Variants in DMD observed in about 807,000 individuals in gnomAD.
DMD encodes the protein mutant dystrophin.
A neutral mutation model predicts 330.1 loss-of-function variants in DMD; 63 were observed. The observed-to-expected ratio is 0.19, with a 90% confidence interval of 0.16 to 0.24. The LOEUF is 0.24. Ranked by LOEUF, DMD falls within the 10% of genes least tolerant of loss-of-function variation. The pLI is 1.00. For missense variants in DMD, 3,344 were observed against 2,684.1 expected (o/e 1.25, Z -5.43); for synonymous variants, 1,223 against 959.8 (o/e 1.27, Z -5.07).
At position 32,635,920 on chromosome X, in the gene DMD, T is replaced by G. The variant is rs920992192; in HGVS notation, c.1331+8212A>C. On this transcript the variant is annotated intron_variant, in intron 11 of 78. Coordinates refer to ENST00000357033, the MANE Select transcript of DMD (RefSeq NM_004006.3). ...ATGCTAACTTTCTGAATGGGTACCC[T>G]CAGCATCTGTGAAGCTGTAGAAACC... 2.7e-5 allele frequency among the ~76,000 whole-genome samples: 3 copies of G among 111,677 alleles called. No individual in the cohort carries two copies. In the East Asian group the frequency reaches 8.4e-4, roughly 31 times the overall value.
At chrX:31,977,365 T>A (rs764840532) in intron 44 of DMD, among the ~76,000 whole-genome samples, 2 of 111,824 alleles carry the variant, frequency 1.8e-5, no homozygotes, top group African/African-American at 6.5e-5. Context: ...AAGTTTCATC[T>A]CCTACCACAA....
At chrX:32,412,136 T>A in intron 29 of DMD, 1 of 1,148,962 alleles carries the variant, frequency 8.7e-7, no homozygotes, top group Non-Finnish European at 1.2e-6. Context: ...GATCTCTGCA[T>A]GAAAATCAAT....
chrX:32,520,398 C>T (rs1259529097), intron 17 of DMD, among the ~76,000 whole-genome samples: 3 of 112,011 alleles, frequency 2.7e-5, no homozygotes, highest in Non-Finnish European at 5.6e-5. Flanking sequence ...TGTCTTAAAA[C>T]ATTTTTATTT....
intron 44 of DMD, among the ~76,000 whole-genome samples, chrX:32,182,365 T>C (rs1395769815): frequency 1.8e-5 from 2 of 111,964 alleles, no homozygotes; most frequent in Non-Finnish European, 3.8e-5. Context: ...AATACAGAAA[T>C]ACTTTACAGC....
At chrX:32,724,485 G>A (rs768035681) in intron 7 of DMD, among the ~76,000 whole-genome samples, 42 of 111,727 alleles carry the variant, frequency 3.8e-4, no homozygotes, top group Admixed American at 3.3e-3. Flanking sequence ...AAGAGGAGCT[G>A]TTAACATAAT....
At chrX:32,711,589 C>G (rs2065196171) in intron 7 of DMD, among the ~76,000 whole-genome samples, 1 of 111,989 alleles carries the variant, frequency 8.9e-6, no homozygotes, top group African/African-American at 3.2e-5. Flanking sequence ...TTTAATCTCT[C>G]ACTTTTAAAC....
At chrX:31,377,951 T>C (rs187307737) in intron 60 of DMD, among the ~76,000 whole-genome samples, 19,098 of 109,832 alleles carry the variant, frequency 0.17, 2,350 homozygotes, top group African/African-American at 0.42. Flanking sequence ...TCAAAAAGCT[T>C]CCCCACTGAG....
intron 29 of DMD, among the ~76,000 whole-genome samples, chrX:32,427,847 G>T (rs1175999189): frequency 9.0e-6 from 1 of 110,714 alleles, no homozygotes; most frequent in African/African-American, 3.3e-5. Context: ...CATTTTTGTA[G>T]CAATATTCTC....
intron 11 of DMD, among the ~76,000 whole-genome samples, chrX:32,635,524 T>C (rs2059036738): frequency 8.9e-6 from 1 of 112,087 alleles, no homozygotes; most frequent in South Asian, 3.7e-4. Context: ...GGTGTATCAT[T>C]AAATATAGGA....
intron 41 of DMD, among the ~76,000 whole-genome samples, chrX:32,321,633 C>G (rs949145431): frequency 1.6e-4 from 18 of 111,504 alleles, no homozygotes; most frequent in African/African-American, 5.9e-4. Context: ...TAGGTTTCAG[C>G]TTGTTAAATA....
At chrX:31,732,097 C>A (rs901925705) in intron 51 of DMD, among the ~76,000 whole-genome samples, 1 of 110,951 alleles carries the variant, frequency 9.0e-6, no homozygotes, top group Non-Finnish European at 1.9e-5. Flanking sequence ...TTTGTAAGCA[C>A]CTGAGAAGAT....
chrX:32,102,236 A>C (rs1344270692), intron 44 of DMD: 1 of 111,920 alleles, frequency 8.9e-6, no homozygotes, highest in Non-Finnish European at 1.9e-5. Context: ...TTCTTTGTAA[A>C]TTACCCATTT....
In DMD at chrX:31,120,866, T is replaced by TATCAATC. The variant is rs111646375; in HGVS notation, c.*1046_*1052dup. 9.3e-6 allele frequency: 1 copy of TATCAATC among 108,091 alleles called. No homozygotes were observed. Among genetic ancestry groups the TATCAATC allele is most frequent in the African/African-American group, 3.6e-5 (1 of 27,931 alleles). 8.9% of individuals were successfully genotyped at this position (108,091 alleles called of 1,213,427 possible). ...ATTGCTAGCAGCAGGAAGCTGAATG[T>TATCAATC]ATCAATCAATCAATCAATCAACCAA... On this transcript the variant is annotated 3_prime_UTR_variant, in exon 79 of 79. Coordinates refer to ENST00000357033, the MANE Select transcript of DMD (RefSeq NM_004006.3).
At chrX:32,982,627 G>A (rs941705323) in intron 2 of DMD, among the ~76,000 whole-genome samples, 1 of 111,430 alleles carries the variant, frequency 9.0e-6, no homozygotes, top group African/African-American at 3.3e-5. Flanking sequence ...AGAAGAAGAC[G>A]ACGGAGTTTT....
intron 44 of DMD, among the ~76,000 whole-genome samples, chrX:32,068,823 T>C (rs1255857356): frequency 9.0e-6 from 1 of 111,582 alleles, no homozygotes; most frequent in Admixed American, 9.6e-5. Context: ...AGCTTAAATA[T>C]AATCTGAGAT....
intron 44 of DMD, among the ~76,000 whole-genome samples, chrX:32,205,438 C>T (rs1367686708): frequency 9.2e-6 from 1 of 109,025 alleles, no homozygotes; most frequent in East Asian, 2.9e-4. Flanking sequence ...TGAAGCTTTC[C>T]CAATTCTTCT....
At chrX:31,875,482 A>G in intron 47 of DMD, 109 bp from the exon 48 acceptor site, 6 of 640,009 alleles carry the variant, frequency 9.4e-6, no homozygotes, top group Non-Finnish European at 1.4e-5. Context: ...ACAGAATCTT[A>G]CTGATTTGTG....
At chrX:32,096,591 AT>A (rs369143790) in intron 44 of DMD, among the ~76,000 whole-genome samples, 54 of 110,594 alleles carry the variant, frequency 4.9e-4, no homozygotes, top group African/African-American at 1.6e-3. Flanking sequence ...CATTTCTAAT[AT>A]TTTATTCACA....
intron 37 of DMD, among the ~76,000 whole-genome samples, chrX:32,355,993 A>T (rs1157829723): frequency 9.0e-6 from 1 of 110,769 alleles, no homozygotes; most frequent in Non-Finnish European, 1.9e-5. Context: ...TTTCCATCAT[A>T]GGTGTTAAGT....
Sources: gnomAD v4.1 joint callset for allele counts (sites outside exome capture counted in the v4.1 genomes callset) on GRCh38, gnomAD v4.1.1 for gene constraint, MANE v1.5 for transcripts, NCBI Gene and HGNC (gene_info 2026-07-23, HGNC 2026-07-21) for gene names.